The following CSMD3 variants were observed in gnomAD, a reference collection of about 807,000 sequenced individuals.
CSMD3 encodes the protein CUB and Sushi multiple domains 3.
Under a neutral mutation model 435.2 loss-of-function variants are expected in CSMD3, and 177 were observed. The observed-to-expected ratio is 0.41, with a 90% confidence interval of 0.36 to 0.46. CSMD3 has a LOEUF of 0.46. CSMD3 is among the 20% of genes least tolerant of loss of function. CSMD3 has a pLI of 0.34. For synonymous variants in CSMD3, 1,656 were observed against 1,520.5 expected, an observed-to-expected ratio of 1.09 and a Z score of -2.07; for missense variants, 4,265 against 4,504.6, an observed-to-expected ratio of 0.95 and a Z score of 1.52.
chr8:113,210,047 A>T lies in CSMD3; in HGVS notation c.515-36131T>A, dbSNP rs946253620. The stretch of plus-strand genomic sequence containing the variant: ...GTGTGTGTGTGTGTGTGTGTGTGTG[A>T]TACACAGTGTTTTCTAATTTTAAAC... On this transcript the variant is annotated intron_variant, in intron 3 of 70. Coordinates refer to ENST00000297405, the MANE Select transcript of CSMD3 (RefSeq NM_198123.2). Among the ~76,000 whole-genome samples the T allele has an allele frequency of 5.9e-5, 6 of 100,904 alleles. No individual in the cohort carries two copies. In the South Asian group the frequency reaches 9.3e-4, roughly 16 times the overall value. The allele number at this position is 100,904 out of a possible 152,430, so 66.2% of individuals were successfully genotyped here.
chr8:113,272,941 A>G (rs2093540710), intron 3 of CSMD3, among the ~76,000 whole-genome samples: 1 of 152,056 alleles, frequency 6.6e-6, no homozygotes, highest in African/African-American at 2.4e-5. Context: ...GTTCAATAGC[A>G]TAATAGGGAT....
At chr8:112,573,045 C>T (rs77722628) in intron 24 of CSMD3, among the ~76,000 whole-genome samples, 4,681 of 152,060 alleles carry the variant, frequency 0.031, 123 homozygotes, top group Non-Finnish European at 0.051. Flanking sequence ...AACACAAAAG[C>T]AGAACAAACT....
intron 10 of CSMD3, among the ~76,000 whole-genome samples, chr8:112,877,351 T>C (rs1212798304): frequency 6.6e-6 from 1 of 152,046 alleles, no homozygotes; most frequent in East Asian, 1.9e-4. Flanking sequence ...CTGCAACCTC[T>C]GCCACTCAGG....
intron 38 of CSMD3, among the ~76,000 whole-genome samples, chr8:112,373,001 TAAA>T (rs376375703): frequency 2.1e-5 from 3 of 143,588 alleles, no homozygotes; most frequent in African/African-American, 7.7e-5. Flanking sequence ...ATTTTATATA[TAAA>T]AATATATATA....
intron 12 of CSMD3, among the ~76,000 whole-genome samples, chr8:112,822,074 C>A (rs145729662): frequency 1.4e-3 from 216 of 152,214 alleles, no homozygotes; most frequent in African/African-American, 5.0e-3. Context: ...AGTTTGAGGT[C>A]AGGTACCATG....
intron 2 of CSMD3, among the ~76,000 whole-genome samples, chr8:113,286,100 A>T (rs1011062758): frequency 5.3e-5 from 8 of 151,904 alleles, no homozygotes; most frequent in African/African-American, 1.9e-4. Context: ...CTACTCCCAC[A>T]TACACCTCCA....
chr8:113,404,514 T>A (rs1040379242), intron 1 of CSMD3, among the ~76,000 whole-genome samples: 5 of 151,384 alleles, frequency 3.3e-5, no homozygotes, highest in Non-Finnish European at 7.4e-5. Flanking sequence ...TCAATCCATA[T>A]CTTTTGTTAT....
chr8:112,831,853 T>C (rs1055401295), intron 11 of CSMD3, among the ~76,000 whole-genome samples: 1 of 152,140 alleles, frequency 6.6e-6, no homozygotes, highest in Non-Finnish European at 1.5e-5. Context: ...GACCTTCTGT[T>C]CCATAGAGGG....
At chr8:113,006,810 G>C (rs916083435) in intron 6 of CSMD3, among the ~76,000 whole-genome samples, 13 of 151,794 alleles carry the variant, frequency 8.6e-5, no homozygotes, top group African/African-American at 2.9e-4. Flanking sequence ...GGACTAATTC[G>C]GGCAAGTGTC....
intron 31 of CSMD3, among the ~76,000 whole-genome samples, chr8:112,485,645 AAT>A (rs1421925871): frequency 6.6e-6 from 1 of 152,182 alleles, no homozygotes; most frequent in African/African-American, 2.4e-5. Flanking sequence ...ATACCCAAAC[AAT>A]ATGATTTCAT....
chr8:112,880,474 T>C (rs2081415515), intron 10 of CSMD3, among the ~76,000 whole-genome samples: 1 of 152,030 alleles, frequency 6.6e-6, no homozygotes, highest in African/African-American at 2.4e-5. Context: ...AGAGAAGGCA[T>C]CCTGGTGGTG....
chr8:112,828,994 T>C (rs1468085139), intron 12 of CSMD3, among the ~76,000 whole-genome samples: 1 of 151,804 alleles, frequency 6.6e-6, no homozygotes, highest in African/African-American at 2.4e-5. Context: ...GGAGGCCTTC[T>C]TGTAAAATTA....
chr8:112,283,046 T>C (rs1818818151), intron 58 of CSMD3, among the ~76,000 whole-genome samples: 1 of 152,072 alleles, frequency 6.6e-6, no homozygotes. Context: ...CACAAAAATG[T>C]TCTGAGTTAG....
At chr8:112,450,525 A>C (rs1178968755) in intron 32 of CSMD3, among the ~76,000 whole-genome samples, 4 of 152,190 alleles carry the variant, frequency 2.6e-5, no homozygotes, top group Non-Finnish European at 1.5e-5. Flanking sequence ...TGATTCATAC[A>C]TCAGTATCTT....
intron 32 of CSMD3, among the ~76,000 whole-genome samples, chr8:112,463,029 C>T (rs1817609863): frequency 6.6e-6 from 1 of 152,188 alleles, no homozygotes; most frequent in Non-Finnish European, 1.5e-5. Flanking sequence ...CACGGCTTTT[C>T]ATACTTCCTT....
chr8:113,212,743 T>TGGG (rs2092852732), intron 3 of CSMD3, among the ~76,000 whole-genome samples: 1 of 144,938 alleles, frequency 6.9e-6, no homozygotes, highest in African/African-American at 2.6e-5. Context: ...TGTTGTGGGG[T>TGGG]GGGGGAAGGG....
chr8:113,298,113 A>G (rs74748533), intron 2 of CSMD3, among the ~76,000 whole-genome samples: 1,642 of 152,222 alleles, frequency 0.011, 13 homozygotes, highest in Non-Finnish European at 0.018. Context: ...TATAAAAATA[A>G]GGTTAATACT....
intron 13 of CSMD3, among the ~76,000 whole-genome samples, chr8:112,782,535 A>AT (rs750455764): frequency 2.0e-5 from 3 of 152,142 alleles, no homozygotes; most frequent in Admixed American, 6.6e-5. Flanking sequence ...ATTCAAAGGG[A>AT]TAAAAACAAA....
In CSMD3 at chr8:112,628,321, C is replaced by G. The variant is rs563259291; in HGVS notation, c.3715+8496G>C. Among the ~76,000 whole-genome samples, 5 of 152,132 alleles carry G rather than the reference C, an allele frequency of 3.3e-5. No individual in the cohort carries two copies. The South Asian group carries it at 1.0e-3, about 32-fold the overall frequency. ...CCATATTCAATTTTTATAAATTTAT[C>G]TTTTTGTTTCTATCAATCATAATCA... On this transcript the variant is annotated intron_variant, in intron 22 of 70. Coordinates refer to ENST00000297405, the MANE Select transcript of CSMD3 (RefSeq NM_198123.2).
Sources: allele counts gnomAD v4.1 joint callset (sites outside exome capture counted in the v4.1 genomes callset), GRCh38; gene constraint gnomAD v4.1.1; transcripts MANE v1.5; gene names NCBI Gene and HGNC (gene_info 2026-07-23, HGNC 2026-07-21).